The following HDAC2 variants were observed in gnomAD, a reference collection of about 807,000 sequenced individuals.
HDAC2 encodes YY1-associated factor 1.
Under a neutral mutation model 68.5 loss-of-function variants are expected in HDAC2, and 5 were observed. That is an observed-to-expected ratio of 0.07 (90% CI 0.04 to 0.15). HDAC2 has a LOEUF of 0.15. Ranked by LOEUF, HDAC2 falls within the 10% of genes least tolerant of loss-of-function variation. HDAC2 has a pLI of 1.00. For missense variants in HDAC2, 291 were observed against 600.8 expected (o/e 0.48, Z 5.39); for synonymous variants, 182 against 191.3 (o/e 0.95, Z 0.40).
chr6:113,955,222 T>TC lies in HDAC2; in HGVS notation c.497+790_497+791insG, dbSNP rs1305632455. ...ACATTTATATACACTTCTAATTCTT[T>TC]TTTTTTTTTGAGATGGAGTCTCACT... On this transcript the variant is annotated intron_variant, in intron 5 of 13. Transcript: ENST00000519065. Among the ~76,000 whole-genome samples the TC allele has an allele frequency of 2.6e-5, 4 of 151,818 alleles. No homozygotes were observed. In the East Asian group the frequency reaches 7.7e-4, roughly 29 times the overall value.
chr6:113,934,504 G>T lies in HDAC2; in HGVS notation c.*6554C>A, dbSNP rs1775959961. 1 of 152,234 alleles carries T rather than the reference G, an allele frequency of 6.6e-6. No homozygotes were observed. Among genetic ancestry groups the T allele is most frequent in the Non-Finnish European group, 1.5e-5 (1 of 68,068 alleles). The allele number at this position is 152,234 out of a possible 1,614,324, so 9.4% of individuals were successfully genotyped here. On this transcript the variant is annotated 3_prime_UTR_variant, in exon 14 of 14. Coordinates refer to ENST00000519065, the MANE Select transcript of HDAC2 (RefSeq NM_001527.4). ...GATGATGATGGTGTTTTGAGGTCAGGTCGGAAGTACAAACAATTTAAGATG... is the reference window on the plus strand; with the variant it reads ...GATGATGATGGTGTTTTGAGGTCAGTTCGGAAGTACAAACAATTTAAGATG...
At position 113,945,365 on chromosome 6, in the gene HDAC2, A is replaced by G; in HGVS notation, c.1088T>C (p.Ile363Thr). The change falls in exon 10 of 14, where the codon ATA becomes ACA. Residue 363 changes from isoleucine to threonine, a missense_variant. Coordinates refer to ENST00000519065, the MANE Select transcript of HDAC2 (RefSeq NM_001527.4). ...NQNTPEYMEK[I>T]KQRLFENLRM... The stretch of plus-strand genomic sequence containing the variant: ...AAACAATTCAATGATTTCTTACTTT[A>G]TCTTTTCCATATATTCTGGAGTGTT... The G allele has an allele frequency of 7.5e-7, 1 of 1,341,206 alleles. No homozygotes were observed. The highest frequency in any genetic ancestry group is 1.1e-6 in the Non-Finnish European group (1 of 938,044). The allele number at this position is 1,341,206 out of a possible 1,614,324, so 83.1% of individuals were successfully genotyped here.
chr6:113,958,993 T>C (rs903416379), intron 2 of HDAC2, among the ~76,000 whole-genome samples: 3 of 152,148 alleles, frequency 2.0e-5, no homozygotes, highest in African/African-American at 7.2e-5. Context: ...GCATATCAAC[T>C]ATGATTTAAT....
chr6:113,949,787 T>C (rs1384610794), intron 6 of HDAC2, among the ~76,000 whole-genome samples: 1 of 143,922 alleles, frequency 6.9e-6, no homozygotes, highest in Non-Finnish European at 1.5e-5. Context: ...AGATTTGTTC[T>C]TTTTTTTTTT....
intron 8 of HDAC2, 186 bp downstream of exon 8, chr6:113,948,793 T>C (rs1402743479): frequency 7.0e-6 from 4 of 567,766 alleles, no homozygotes; most frequent in Non-Finnish European, 1.2e-5. Context: ...TAAATGTATA[T>C]ATAAATCTGC....
At chr6:113,969,720 C>T (rs1003711483) in intron 1 of HDAC2, 1 of 152,212 alleles carries the variant, frequency 6.6e-6, no homozygotes, top group African/African-American at 2.4e-5. Flanking sequence ...ACTGCTCATA[C>T]TCCAAATTAT....
intron 1 of HDAC2, among the ~76,000 whole-genome samples, chr6:113,964,050 A>C (rs1776753311): frequency 2.6e-5 from 4 of 152,210 alleles, no homozygotes; most frequent in Non-Finnish European, 5.9e-5. Flanking sequence ...GATATAATCA[A>C]ACATTAATAT....
intron 1 of HDAC2, chr6:113,969,742 G>A (rs925209170): frequency 6.6e-6 from 1 of 152,210 alleles, no homozygotes; most frequent in Non-Finnish European, 1.5e-5. Flanking sequence ...GAATGCTTAA[G>A]ATAATTAAAT....
chr6:113,946,129 T>C lies in HDAC2; in HGVS notation c.861A>G (p.Glu287=). The change falls in exon 9 of 14, where the codon GAA becomes GAG. Residue 287 remains glutamate (E), a synonymous_variant. Transcript: ENST00000519065. ...LTVKGHAKCV[E]VVKTFNLPLL... is the part of the protein sequence containing the mutation. ...ATGGTAAGTTAAAAGTTTTTACAAC[T>C]TCTACACATTTAGCATGACCTAAGA... 1 of 1,613,460 alleles carries C rather than the reference T, an allele frequency of 6.2e-7. No homozygotes were observed. Among genetic ancestry groups the C allele is most frequent in the Non-Finnish European group, 8.5e-7 (1 of 1,179,442 alleles).
chr6:113,945,788 T>TA (rs1191799268), intron 9 of HDAC2, among the ~76,000 whole-genome samples: 2 of 152,192 alleles, frequency 1.3e-5, no homozygotes, highest in Non-Finnish European at 2.9e-5. Context: ...GGCTCAGTAT[T>TA]AGATTATTTT....
intron 8 of HDAC2, 195 bp downstream of exon 8, chr6:113,948,784 A>G (rs558924458): frequency 2.2e-5 from 12 of 533,432 alleles, no homozygotes; most frequent in Middle Eastern, 4.7e-4. Flanking sequence ...AGTCTTGTAT[A>G]AATGTATATA....
In HDAC2 at chr6:113,954,040, G is replaced by A. The variant is rs532579575; in HGVS notation, c.498-622C>T. 6.6e-5 allele frequency among the ~76,000 whole-genome samples: 10 copies of A among 152,282 alleles called. 1 individual carries two copies. The South Asian group carries it at 1.9e-3, about 28-fold the overall frequency. On this transcript the variant is annotated intron_variant, in intron 5 of 13. Coordinates refer to ENST00000519065, the MANE Select transcript of HDAC2 (RefSeq NM_001527.4). ...ATTAGCTGTGACAGAGGCTACATGT[G>A]GTACTCTCATGACTTCAAACTGGTG...
In HDAC2 at chr6:113,938,169, T is replaced by C. The variant is rs545282679; in HGVS notation, c.*2889A>G. ...CAAAAAAAGAAAAAATAAATAAACA[T>C]AATAGGTTTAAAAAACTAAGTTAAA... On this transcript the variant is annotated 3_prime_UTR_variant, in exon 14 of 14. Transcript: ENST00000519065. 107 of 152,254 alleles carry C rather than the reference T, an allele frequency of 7.0e-4. No homozygotes were observed. The highest frequency in any genetic ancestry group is 2.5e-3 in the African/African-American group (103 of 41,556). The allele number at this position is 152,254 out of a possible 1,614,324, so 9.4% of individuals were successfully genotyped here.
At position 113,970,942 on chromosome 6, in the gene HDAC2, CCTCCTGCTG is replaced by C; in HGVS notation, c.-43_-35del. On this transcript the variant is annotated 5_prime_UTR_variant, in exon 1 of 14. Transcript: ENST00000519065. ...CGGCCACCGCCGCCACCGGGCTCCT[CCTCCTGCTG>C]CTGCTGCTGCTGCTGCTGCCGCCGC... 1 of 1,554,616 alleles carries C rather than the reference CCTCCTGCTG, an allele frequency of 6.4e-7. No individual in the cohort carries two copies.
At position 113,933,314 on chromosome 6, in the gene HDAC2, G is replaced by T. The variant is rs1406588309; in HGVS notation, c.*7744C>A. ...AAACATGCAACCTATATCTAACCAT[G>T]AAGAAACATCAGACATGCCCACTGA... On this transcript the variant is annotated 3_prime_UTR_variant, in exon 14 of 14. Coordinates refer to ENST00000519065, the MANE Select transcript of HDAC2 (RefSeq NM_001527.4). 6.6e-6 allele frequency: 1 copy of T among 152,164 alleles called. No homozygotes were observed. Among genetic ancestry groups the T allele is most frequent in the African/African-American group, 2.4e-5 (1 of 41,438 alleles). 9.4% of individuals were successfully genotyped at this position (152,164 alleles called of 1,614,324 possible).
chr6:113,944,494 T>C, intron 10 of HDAC2, 84 bp from the exon 11 acceptor site: 1 of 1,232,388 alleles, frequency 8.1e-7, no homozygotes, highest in Non-Finnish European at 1.2e-6. Flanking sequence ...TAGCAAAAAA[T>C]TTCATCTTTG....
In HDAC2 at chr6:113,938,152, G is replaced by GA. The variant is rs1485386420; in HGVS notation, c.*2905dup. On this transcript the variant is annotated 3_prime_UTR_variant, in exon 14 of 14. Transcript: ENST00000519065. ...ACAGCGAGACTCCGTCTCAAAAAAA[G>GA]AAAAAATAAATAAACATAATAGGTT... The GA allele has an allele frequency of 6.6e-6, 1 of 151,994 alleles. No homozygotes were observed. The highest frequency in any genetic ancestry group is 1.5e-5 in the Non-Finnish European group (1 of 67,952). The allele number at this position is 151,994 out of a possible 1,614,324, so 9.4% of individuals were successfully genotyped here.
At chr6:113,948,806 T>A in intron 8 of HDAC2, 173 bp downstream of exon 8, 1 of 603,840 alleles carries the variant, frequency 1.7e-6, no homozygotes, top group Non-Finnish European at 2.7e-6. Flanking sequence ...AAATCTGCCA[T>A]AATGAAACAA....
At chr6:113,957,630 G>A (rs996827078) in intron 3 of HDAC2, among the ~76,000 whole-genome samples, 10 of 152,014 alleles carry the variant, frequency 6.6e-5, no homozygotes, top group South Asian at 4.2e-4. Context: ...GATTACAGGC[G>A]CGCACCACCA....
Sources: gnomAD v4.1 joint callset for allele counts (sites outside exome capture counted in the v4.1 genomes callset) on GRCh38, gnomAD v4.1.1 for gene constraint, MANE v1.5 for transcripts, NCBI Gene and HGNC (gene_info 2026-07-23, HGNC 2026-07-21) for gene names.